Variants in XKR4 observed in about 807,000 individuals in gnomAD.
XKR4 encodes XK-related protein 4.
Under a neutral mutation model 53.9 loss-of-function variants are expected in XKR4, and 12 were observed. That is an observed-to-expected ratio of 0.22 (90% CI 0.14 to 0.36). The LOEUF is 0.36. Among genes scored for constraint, XKR4 ranks in the 10% least tolerant of loss-of-function variants. XKR4 has a pLI of 1.00. For missense variants in XKR4, 799 were observed against 859.5 expected (o/e 0.93, Z 0.88); for synonymous variants, 354 against 362.4 (o/e 0.98, Z 0.26).
intron 1 of XKR4, among the ~76,000 whole-genome samples, chr8:55,195,871 C>T (rs1817498131): frequency 6.6e-6 from 1 of 152,184 alleles, no homozygotes; most frequent in South Asian, 2.1e-4. Context: ...ACCAATACCA[C>T]AGCTCAGGCC....
chr8:55,103,513 T>C (rs1816089404), intron 1 of XKR4, among the ~76,000 whole-genome samples: 1 of 152,056 alleles, frequency 6.6e-6, no homozygotes, highest in African/African-American at 2.4e-5. Context: ...GACAGCAAAG[T>C]GGTTTCGATC....
rs887590949 is a variant in XKR4, at chr8:55,146,440, T to C, written c.806+43146T>C. Among the ~76,000 whole-genome samples the C allele has an allele frequency of 5.3e-5, 8 of 152,340 alleles. No homozygotes were observed. In the South Asian group the frequency reaches 6.2e-4, roughly 12 times the overall value. On this transcript the variant is annotated intron_variant, in intron 1 of 2. Transcript: ENST00000327381. The stretch of plus-strand genomic sequence containing the variant: ...CATTCTTTTACAAAGTACCATATTT[T>C]CTAGAAGAGTGCTTTCCACTGCAGA...
intron 2 of XKR4, among the ~76,000 whole-genome samples, chr8:55,469,095 C>A (rs1002727882): frequency 6.6e-6 from 1 of 152,080 alleles, no homozygotes; most frequent in Non-Finnish European, 1.5e-5. Flanking sequence ...TATCTAAGGA[C>A]AGAATATTTC....
chr8:55,274,194 A>C (rs1456740239), intron 1 of XKR4, among the ~76,000 whole-genome samples: 2 of 152,212 alleles, frequency 1.3e-5, no homozygotes, highest in Non-Finnish European at 2.9e-5. Context: ...ATAATATATG[A>C]CTAGTGCTAT....
chr8:55,129,375 C>T (rs1042066566), intron 1 of XKR4, among the ~76,000 whole-genome samples: 2 of 152,230 alleles, frequency 1.3e-5, no homozygotes, highest in Non-Finnish European at 2.9e-5. Context: ...GGAGGTAAAA[C>T]TGCCTTGCAC....
chr8:55,365,669 T>C (rs952335443), intron 2 of XKR4, among the ~76,000 whole-genome samples: 1 of 140,600 alleles, frequency 7.1e-6, no homozygotes, highest in African/African-American at 2.7e-5. Context: ...ATCACACCAT[T>C]GCACTCCAGC....
intron 2 of XKR4, among the ~76,000 whole-genome samples, chr8:55,457,929 C>A (rs1805594051): frequency 6.6e-6 from 1 of 151,088 alleles, no homozygotes; most frequent in African/African-American, 2.4e-5. Flanking sequence ...TTAGCATTAA[C>A]CTGAGGTAGA....
intron 2 of XKR4, among the ~76,000 whole-genome samples, chr8:55,421,993 G>A (rs1001236029): frequency 5.3e-5 from 8 of 152,178 alleles, no homozygotes; most frequent in African/African-American, 1.9e-4. Flanking sequence ...AAGCTGTATT[G>A]ATGTATGTAT....
At chr8:55,161,835 G>A (rs139257358) in intron 1 of XKR4, among the ~76,000 whole-genome samples, 24 of 152,326 alleles carry the variant, frequency 1.6e-4, no homozygotes, top group Middle Eastern at 6.8e-3. Flanking sequence ...AAAAACCAGT[G>A]CATTTCTGTC....
chr8:55,297,234 G>A (rs1419183116), intron 1 of XKR4, among the ~76,000 whole-genome samples: 1 of 152,118 alleles, frequency 6.6e-6, no homozygotes, highest in Non-Finnish European at 1.5e-5. Context: ...TTTAAAAGAG[G>A]CTTCAGACTA....
chr8:55,272,943 C>A (rs111588516), intron 1 of XKR4: 9 of 451,136 alleles, frequency 2.0e-5, no homozygotes, highest in African/African-American at 1.2e-4. Context: ...CGGATAAACA[C>A]CACTGCCTAC....
At chr8:55,405,258 G>A (rs1409515924) in intron 2 of XKR4, among the ~76,000 whole-genome samples, 1 of 152,154 alleles carries the variant, frequency 6.6e-6, no homozygotes, top group East Asian at 1.9e-4. Context: ...CTGGCAGCCT[G>A]GATGGGCAAG....
intron 1 of XKR4, among the ~76,000 whole-genome samples, chr8:55,281,018 C>T (rs1011482081): frequency 6.6e-6 from 1 of 152,120 alleles, no homozygotes. Flanking sequence ...ACTTGTTCTA[C>T]CAAGTTCTTT....
intron 2 of XKR4, among the ~76,000 whole-genome samples, chr8:55,363,929 C>G (rs755350572): frequency 6.6e-6 from 1 of 152,190 alleles, no homozygotes; most frequent in Non-Finnish European, 1.5e-5. Context: ...AAGAAGTTCA[C>G]TTTTTACTAA....
chr8:55,367,094 A>G (rs894906900), intron 2 of XKR4, among the ~76,000 whole-genome samples: 1 of 152,206 alleles, frequency 6.6e-6, no homozygotes, highest in Non-Finnish European at 1.5e-5. Flanking sequence ...AGGTCAAAGG[A>G]AGAGCGTTTT....
chr8:55,408,984 A>G (rs113010439), intron 2 of XKR4, among the ~76,000 whole-genome samples: 12,219 of 147,998 alleles, frequency 0.083, 1,109 homozygotes, highest in African/African-American at 0.23. Flanking sequence ...TCCAGCCTGG[A>G]CGACAGAGCA....
chr8:55,138,580 G>A (rs892495101), intron 1 of XKR4, among the ~76,000 whole-genome samples: 3 of 152,202 alleles, frequency 2.0e-5, no homozygotes, highest in Non-Finnish European at 2.9e-5. Flanking sequence ...AAAAATTGAA[G>A]CTAAGTGCCA....
intron 2 of XKR4, among the ~76,000 whole-genome samples, chr8:55,364,954 T>C (rs763323109): frequency 9.2e-5 from 14 of 152,214 alleles, no homozygotes; most frequent in Non-Finnish European, 1.8e-4. Context: ...TAAACTTAGG[T>C]TTGCATTACA....
intron 1 of XKR4, among the ~76,000 whole-genome samples, chr8:55,199,278 C>T (rs1010470670): frequency 1.3e-5 from 2 of 151,982 alleles, no homozygotes; most frequent in Non-Finnish European, 2.9e-5. Flanking sequence ...TTCAGCTATC[C>T]CTAGATTGCT....
Sources: gnomAD v4.1 joint callset for allele counts (sites outside exome capture counted in the v4.1 genomes callset) on GRCh38, gnomAD v4.1.1 for gene constraint, MANE v1.5 for transcripts, NCBI Gene and HGNC (gene_info 2026-07-23, HGNC 2026-07-21) for gene names.